Variants in GPAT3 observed in about 807,000 individuals in gnomAD.
GPAT3 encodes the protein 1-AGP acyltransferase 9.
A neutral mutation model predicts 58.8 loss-of-function variants in GPAT3; 53 were observed. The ratio of observed to expected loss-of-function variants is 0.90; its 90% CI spans 0.72 to 1.13. The LOEUF (loss-of-function observed/expected upper bound fraction) is 1.13. GPAT3 is among the 50% of genes most tolerant of loss of function. The pLI is 0.00. For missense variants in GPAT3, 511 were observed against 527.6 expected (o/e 0.97, Z 0.31); for synonymous variants, 197 against 187.4 (o/e 1.05, Z -0.42).
chr4:83,588,237 C>T lies in GPAT3; in HGVS notation c.582C>T (p.Val194=). 1 of 1,613,970 alleles carries T rather than the reference C, an allele frequency of 6.2e-7. No individual in the cohort carries two copies. The highest frequency in any genetic ancestry group is 8.5e-7 in the Non-Finnish European group (1 of 1,179,932). Residue 194 remains valine (V), a synonymous_variant, in exon 5 of 12, where the codon GTC becomes GTT. Coordinates refer to ENST00000264409, the MANE Select transcript of GPAT3 (RefSeq NM_032717.5). ...SSLKNWLSEL[V]HLTCCRICVR... ...TCAAAAACTGGCTGAGTGAACTGGTCCATCTGACTTGCTGCCGGATCTGTG... is the reference window on the plus strand; with the variant it reads ...TCAAAAACTGGCTGAGTGAACTGGTTCATCTGACTTGCTGCCGGATCTGTG...
At chr4:83,541,145 G>A (rs1724288441) in intron 1 of GPAT3, among the ~76,000 whole-genome samples, 1 of 152,130 alleles carries the variant, frequency 6.6e-6, no homozygotes, top group Admixed American at 6.6e-5. Context: ...CTTTCACCGG[G>A]CATCAACCTG....
At chr4:83,538,258 T>C (rs1724175874) in intron 1 of GPAT3, among the ~76,000 whole-genome samples, 1 of 152,236 alleles carries the variant, frequency 6.6e-6, no homozygotes, top group African/African-American at 2.4e-5. Context: ...TGGCTATTTC[T>C]TTGCCTAGAC....
chr4:83,538,278 G>A (rs1028081702), intron 1 of GPAT3, among the ~76,000 whole-genome samples: 2 of 152,172 alleles, frequency 1.3e-5, no homozygotes, highest in African/African-American at 2.4e-5. Flanking sequence ...CTTTGAAGTT[G>A]TATGTGATTC....
rs926107653 is a variant in GPAT3, at chr4:83,590,255, A to T, written c.701A>T (p.Asp234Val). ...ICVANHTSPI[D>V]VLILTTDGCY... The stretch of plus-strand genomic sequence containing the variant: ...GTTGCCAACCATACTTCCCCCATTG[A>T]TGTTTTAATCTTGACAACGGATGGA... The change falls in exon 6 of 12, where the codon GAT becomes GTT. Residue 234 changes from aspartate (D) to valine (V), a missense_variant. Transcript: ENST00000264409. 1.2e-6 allele frequency: 2 copies of T among 1,613,760 alleles called. No homozygotes were observed. Among genetic ancestry groups the T allele is most frequent in the African/African-American group, 2.7e-5 (2 of 74,896 alleles).
intron 2 of GPAT3, among the ~76,000 whole-genome samples, chr4:83,548,886 G>T (rs914534074): frequency 6.6e-6 from 1 of 152,096 alleles, no homozygotes; most frequent in Non-Finnish European, 1.5e-5. Context: ...ATACCTATTT[G>T]GAGAGAATTC....
At chr4:83,552,747 G>A (rs981855183) in intron 2 of GPAT3, among the ~76,000 whole-genome samples, 10 of 152,186 alleles carry the variant, frequency 6.6e-5, no homozygotes, top group African/African-American at 2.4e-4. Flanking sequence ...TGGACTGAAT[G>A]TCTATGTCCC....
At chr4:83,591,636 A>G (rs1726604595) in intron 6 of GPAT3, among the ~76,000 whole-genome samples, 1 of 152,190 alleles carries the variant, frequency 6.6e-6, no homozygotes, top group Non-Finnish European at 1.5e-5. Context: ...CCCTCATGTT[A>G]ACACCCTAGA....
Position 83,544,702 on chromosome 4 carries a change from A to G in GPAT3, c.208+100A>G, listed in dbSNP as rs28360718. 5 of 1,133,050 alleles carry G rather than the reference A, an allele frequency of 4.4e-6. No individual in the cohort carries two copies. The East Asian group carries it at 9.5e-5, about 21-fold the overall frequency. The allele number at this position is 1,133,050 out of a possible 1,614,324, so 70.2% of individuals were successfully genotyped here. On this transcript the variant is annotated intron_variant, in intron 2 of 11. Transcript: ENST00000264409. ...AAATATGCAGAGAGCAGTGTGTTCT[A>G]TAGGGTTTGGATCTTTCATAATTCT...
chr4:83,581,736 C>G lies in GPAT3; in HGVS notation c.383C>G (p.Thr128Arg). ...SEELVSWNLL[T>R]RTNVNFQYIS... is the part of the protein sequence containing the mutation. ...GAGCTAGTGTCATGGAATCTCCTCA[C>G]AAGAACCAATGTAAATTTCCAGTAC... The change falls in exon 3 of 12, where the codon ACA (threonine) becomes AGA (arginine). Residue 128 changes from threonine to arginine, a missense_variant. Coordinates refer to ENST00000264409, the MANE Select transcript of GPAT3 (RefSeq NM_032717.5). The G allele has an allele frequency of 6.2e-7, 1 of 1,614,162 alleles. No individual in the cohort carries two copies. The highest frequency in any genetic ancestry group is 8.5e-7 in the Non-Finnish European group (1 of 1,180,030).
At chr4:83,544,852 G>A (rs956204670) in intron 2 of GPAT3, among the ~76,000 whole-genome samples, 5 of 151,670 alleles carry the variant, frequency 3.3e-5, no homozygotes, top group African/African-American at 1.2e-4. Flanking sequence ...TGTATTTGAA[G>A]ATGGCTGTCC....
In GPAT3 at chr4:83,536,513, C is replaced by T. The variant is rs1019773257; in HGVS notation, c.-110C>T. The T allele has an allele frequency of 7.9e-6, 12 of 1,510,162 alleles. No homozygotes were observed. The African/African-American group carries it at 1.4e-4, about 17-fold the overall frequency. The allele number at this position is 1,510,162 out of a possible 1,614,324, so 93.5% of individuals were successfully genotyped here. On this transcript the variant is annotated 5_prime_UTR_variant, in exon 1 of 12. Coordinates refer to ENST00000264409, the MANE Select transcript of GPAT3 (RefSeq NM_032717.5). Reference sequence around the variant, plus strand: ...TCTCTTCCCTTCGCAGAGGTGAGTGCCGGGCTCGGCGCTCTGCTCCTGGAG... The same window carrying T: ...TCTCTTCCCTTCGCAGAGGTGAGTGTCGGGCTCGGCGCTCTGCTCCTGGAG...
chr4:83,547,246 CTTTT>C (rs10618385), intron 2 of GPAT3, among the ~76,000 whole-genome samples: 2 of 82,194 alleles, frequency 2.4e-5, no homozygotes, highest in African/African-American at 5.7e-5. Flanking sequence ...TTCTACTGCT[CTTTT>C]TTTTTTTTTT....
chr4:83,601,741 G>A (rs1008613350), intron 11 of GPAT3, among the ~76,000 whole-genome samples: 1 of 152,238 alleles, frequency 6.6e-6, no homozygotes, highest in Non-Finnish European at 1.5e-5. Flanking sequence ...GTGACAGAGC[G>A]AGACCCTGTC....
chr4:83,593,491 T>A (rs1726689501), intron 6 of GPAT3, among the ~76,000 whole-genome samples: 1 of 152,150 alleles, frequency 6.6e-6, no homozygotes, highest in Non-Finnish European at 1.5e-5. Flanking sequence ...TTTCTAATAT[T>A]TACATTGGAA....
chr4:83,598,777 TTTTTTTTTTTA>T (rs1726948352), intron 11 of GPAT3, 54 bp downstream of exon 11: 1 of 1,272,902 alleles, frequency 7.9e-7, no homozygotes, highest in African/African-American at 1.8e-5. Context: ...TTTTTTTTTT[TTTTTTTTTTTA>T]GAGAATGCCT....
chr4:83,537,857 T>C (rs1724163744), intron 1 of GPAT3, among the ~76,000 whole-genome samples: 1 of 152,154 alleles, frequency 6.6e-6, no homozygotes, highest in Non-Finnish European at 1.5e-5. Context: ...ATTGTAGCTC[T>C]GTTTCTCAAA....
intron 2 of GPAT3, among the ~76,000 whole-genome samples, chr4:83,554,280 C>G (rs929692139): frequency 7.9e-5 from 12 of 152,058 alleles, no homozygotes; most frequent in African/African-American, 2.9e-4. Flanking sequence ...GGCTGGCTGC[C>G]TTATTTATTT....
chr4:83,588,003 C>G (rs570272091), intron 4 of GPAT3, among the ~76,000 whole-genome samples: 37 of 152,184 alleles, frequency 2.4e-4, no homozygotes, highest in Non-Finnish European at 5.0e-4. Flanking sequence ...GAGTTATGTC[C>G]AGTTTTTTTG....
intron 2 of GPAT3, among the ~76,000 whole-genome samples, chr4:83,556,982 A>G (rs1429161041): frequency 6.6e-6 from 1 of 152,160 alleles, no homozygotes; most frequent in Non-Finnish European, 1.5e-5. Context: ...GTAACCTCAC[A>G]TGATGACAGG....
Sources: gnomAD v4.1 joint callset for allele counts (sites outside exome capture counted in the v4.1 genomes callset) on GRCh38, gnomAD v4.1.1 for gene constraint, MANE v1.5 for transcripts, NCBI Gene and HGNC (gene_info 2026-07-23, HGNC 2026-07-21) for gene names.